Variants in CNTNAP2 observed in about 807,000 individuals in gnomAD.
CNTNAP2 encodes the protein contactin associated protein 2.
CNTNAP2 carries 98 observed loss-of-function variants against 155.2 expected under a neutral mutation model. The observed-to-expected ratio is 0.63, with a 90% confidence interval of 0.54 to 0.75. The LOEUF (loss-of-function observed/expected upper bound fraction) is 0.75, where lower values mean the gene tolerates loss of function less well. CNTNAP2 is among the 30% of genes least tolerant of loss of function. CNTNAP2 has a pLI of 0.00. For missense variants in CNTNAP2, 1,727 were observed against 1,688.1 expected, an observed-to-expected ratio of 1.02 and a Z score of -0.40; for synonymous variants, 651 against 631.2, an observed-to-expected ratio of 1.03 and a Z score of -0.47.
At chr7:146,692,119 T>TTCA (rs1185707551) in intron 1 of CNTNAP2, among the ~76,000 whole-genome samples, 1 of 152,154 alleles carries the variant, frequency 6.6e-6, no homozygotes, top group Non-Finnish European at 1.5e-5. Flanking sequence ...ATTTATGTTT[T>TTCA]TCATCTCTAG....
chr7:146,950,708 G>A (rs1797292864), intron 3 of CNTNAP2, among the ~76,000 whole-genome samples: 1 of 152,028 alleles, frequency 6.6e-6, no homozygotes, highest in Admixed American at 6.6e-5. Context: ...GGGGATCTGG[G>A]CTGGTTCCAA....
intron 3 of CNTNAP2, among the ~76,000 whole-genome samples, chr7:146,987,993 C>T (rs536697200): frequency 2.6e-5 from 4 of 152,178 alleles, no homozygotes; most frequent in Non-Finnish European, 5.9e-5. Flanking sequence ...TATCCAAATT[C>T]CCGTAACTCT....
chr7:147,276,909 C>A (rs1245291650), intron 8 of CNTNAP2, among the ~76,000 whole-genome samples: 1 of 151,738 alleles, frequency 6.6e-6, no homozygotes, highest in Non-Finnish European at 1.5e-5. Flanking sequence ...TGTAGGCTTT[C>A]TGGAAAGAAC....
In CNTNAP2 at chr7:147,886,475, CAAAAAAAAAAAAAA is replaced by C. The variant is rs532837902; in HGVS notation, c.2099-17075_2099-17062del. Among the ~76,000 whole-genome samples the C allele has an allele frequency of 5.3e-4, 21 of 39,738 alleles. 1 individual carries two copies. The East Asian group carries it at 0.015, about 29-fold the overall frequency. 26.1% of individuals were successfully genotyped at this position (39,738 alleles called of 152,430 possible). A position where few individuals can be genotyped will look rare whatever the true frequency, so the allele number is the denominator to read the frequency against. The stretch of plus-strand genomic sequence containing the variant: ...GGGCAACAAGAGGGAAACTCCATCT[CAAAAAAAAAAAAAA>C]AAAAAAAAAAAAAAGATTTGGTTGT... On this transcript the variant is annotated intron_variant, in intron 13 of 23. Coordinates refer to ENST00000361727, the MANE Select transcript of CNTNAP2 (RefSeq NM_014141.6).
chr7:148,240,701 C>T (rs1309403322), intron 20 of CNTNAP2, among the ~76,000 whole-genome samples: 2 of 152,030 alleles, frequency 1.3e-5, no homozygotes, highest in African/African-American at 4.8e-5. Flanking sequence ...CACAGTAGAC[C>T]GTCTACAAGC....
intron 9 of CNTNAP2, among the ~76,000 whole-genome samples, chr7:147,350,307 A>G (rs1225783022): frequency 2.6e-5 from 4 of 151,942 alleles, no homozygotes; most frequent in Non-Finnish European, 4.4e-5. Flanking sequence ...CCTGCAATAA[A>G]ACATGTTTAT....
chr7:147,392,269 C>T (rs1318799584), intron 9 of CNTNAP2, among the ~76,000 whole-genome samples: 2 of 151,942 alleles, frequency 1.3e-5, no homozygotes, highest in Non-Finnish European at 2.9e-5. Flanking sequence ...AAATTACTGC[C>T]ACATTTTCAG....
intron 13 of CNTNAP2, among the ~76,000 whole-genome samples, chr7:147,817,800 G>A (rs571033387): frequency 4.5e-4 from 68 of 151,604 alleles, no homozygotes; most frequent in Non-Finnish European, 8.1e-4. Flanking sequence ...AGCTACCTGA[G>A]AGGTTGAGGC....
intron 3 of CNTNAP2, among the ~76,000 whole-genome samples, chr7:146,947,866 A>G (rs1016360544): frequency 6.6e-6 from 1 of 151,962 alleles, no homozygotes; most frequent in Non-Finnish European, 1.5e-5. Context: ...TAATGGTGCC[A>G]TTGCCCTGCA....
chr7:148,222,893 C>T (rs954577495), intron 19 of CNTNAP2, among the ~76,000 whole-genome samples: 6 of 152,170 alleles, frequency 3.9e-5, no homozygotes, highest in African/African-American at 7.2e-5. Context: ...TGCCTTTTGT[C>T]AGTTGTCTTG....
At chr7:146,955,264 ATCT>A (rs1797409050) in intron 3 of CNTNAP2, among the ~76,000 whole-genome samples, 1 of 152,122 alleles carries the variant, frequency 6.6e-6, no homozygotes, top group African/African-American at 2.4e-5. Flanking sequence ...GATAACATTC[ATCT>A]TCTTTTGCTA....
rs1022811926 is a variant in CNTNAP2 at position 147,302,275 on chromosome 7, A to G, written c.1498+1985A>G. On this transcript the variant is annotated intron_variant, in intron 9 of 23. Transcript: ENST00000361727. ...CCTTGACTGGAATATTTTTGGCCAT[A>G]CATGAGCTCCCTGAATGCCTAAGGC... Among the ~76,000 whole-genome samples the G allele has an allele frequency of 1.6e-4, 24 of 152,340 alleles. No individual in the cohort carries two copies. In the South Asian group the frequency reaches 1.7e-3, roughly 11 times the overall value.
At chr7:146,268,202 TC>T (rs1800024555) in intron 1 of CNTNAP2, among the ~76,000 whole-genome samples, 1 of 152,192 alleles carries the variant, frequency 6.6e-6, no homozygotes, top group Admixed American at 6.5e-5. Flanking sequence ...TCCAGGAAGC[TC>T]ATGTTATACT....
At chr7:147,101,052 C>T (rs1165580845) in intron 4 of CNTNAP2, among the ~76,000 whole-genome samples, 1 of 152,174 alleles carries the variant, frequency 6.6e-6, no homozygotes, top group East Asian at 1.9e-4. Flanking sequence ...AAAATGGCTG[C>T]TCACTGAAGA....
intron 1 of CNTNAP2, among the ~76,000 whole-genome samples, chr7:146,550,415 T>TTTTTG (rs1554447442): frequency 0.011 from 1,267 of 115,788 alleles, 62 homozygotes; most frequent in Non-Finnish European, 0.018. Context: ...TTTTTTTTTT[T>TTTTTG]TTTTTTTTTT....
intron 8 of CNTNAP2, among the ~76,000 whole-genome samples, chr7:147,210,234 T>C (rs1323070080): frequency 6.6e-6 from 1 of 152,032 alleles, no homozygotes; most frequent in Admixed American, 6.6e-5. Flanking sequence ...AGGGCTTTTA[T>C]TGGTTAGTAG....
chr7:146,937,971 T>C (rs937378857), intron 3 of CNTNAP2, among the ~76,000 whole-genome samples: 5 of 152,186 alleles, frequency 3.3e-5, no homozygotes, highest in South Asian at 2.1e-4. Context: ...TCTGATTAGT[T>C]GAGACTGTAT....
chr7:147,657,839 A>C (rs4314574), intron 13 of CNTNAP2, among the ~76,000 whole-genome samples: 5 of 152,144 alleles, frequency 3.3e-5, no homozygotes, highest in Non-Finnish European at 1.5e-5. Context: ...GCATAGTGTA[A>C]ATGAAATATT....
intron 13 of CNTNAP2, among the ~76,000 whole-genome samples, chr7:147,856,665 G>A (rs1034117183): frequency 6.7e-6 from 1 of 149,506 alleles, no homozygotes; most frequent in African/African-American, 2.5e-5. Context: ...CATTTTGTTC[G>A]TATAAGTCAA....
Sources: gnomAD v4.1 joint callset for allele counts (sites outside exome capture counted in the v4.1 genomes callset) on GRCh38, gnomAD v4.1.1 for gene constraint, MANE v1.5 for transcripts, NCBI Gene and HGNC (gene_info 2026-07-23, HGNC 2026-07-21) for gene names.